MYRFL: variants seen among roughly 807,000 people sequenced by gnomAD.
The protein encoded by MYRFL is myelin regulatory factor-like protein.
Under a neutral mutation model 109.4 loss-of-function variants are expected in MYRFL, and 88 were observed. The ratio of observed to expected loss-of-function variants is 0.80; its 90% CI spans 0.68 to 0.96. The LOEUF (loss-of-function observed/expected upper bound fraction) is 0.96. MYRFL is among the 40% of genes least tolerant of loss of function. MYRFL has a pLI of 0.00. For synonymous variants in MYRFL, 324 were observed against 320.9 expected (o/e 1.01, Z -0.10); for missense variants, 957 against 954.9 (o/e 1.00, Z -0.03).
At chr12:69,913,183 C>T (rs1225530226) in intron 13 of MYRFL, among the ~76,000 whole-genome samples, 3 of 152,086 alleles carry the variant, frequency 2.0e-5, no homozygotes, top group Non-Finnish European at 4.4e-5. Context: ...TTCAGGAATT[C>T]TCTATATATT....
At chr12:69,867,222 T>C (rs1432838523) in intron 2 of MYRFL, among the ~76,000 whole-genome samples, 5 of 152,136 alleles carry the variant, frequency 3.3e-5, no homozygotes, top group Admixed American at 3.3e-4. Context: ...GCTACGGTGG[T>C]GGGACATACT....
intron 1 of MYRFL, among the ~76,000 whole-genome samples, chr12:69,854,190 C>T (rs1272727134): frequency 3.9e-5 from 6 of 152,128 alleles, no homozygotes. Context: ...CCAAAAAATA[C>T]AAAAACCAGT....
At chr12:69,898,858 T>A (rs1411588869) in intron 10 of MYRFL, among the ~76,000 whole-genome samples, 2 of 151,962 alleles carry the variant, frequency 1.3e-5, no homozygotes, top group African/African-American at 4.8e-5. Flanking sequence ...AACAGCAACA[T>A]GAGAGGGAGG....
intron 11 of MYRFL, among the ~76,000 whole-genome samples, chr12:69,906,663 A>G (rs1416266456): frequency 6.6e-6 from 1 of 152,218 alleles, no homozygotes; most frequent in Non-Finnish European, 1.5e-5. Flanking sequence ...TAGACATGAA[A>G]AAAGCTCAAG....
chr12:69,929,457 A>C (rs1222780244), intron 15 of MYRFL, among the ~76,000 whole-genome samples: 1 of 152,206 alleles, frequency 6.6e-6, no homozygotes, highest in Non-Finnish European at 1.5e-5. Context: ...AGGAGGAGTA[A>C]GCTTTGGCTA....
intron 11 of MYRFL, among the ~76,000 whole-genome samples, chr12:69,907,456 C>T (rs1192101683): frequency 1.3e-5 from 2 of 152,122 alleles, no homozygotes; most frequent in African/African-American, 4.8e-5. Flanking sequence ...CCAACACTGC[C>T]TCTGCTTCCT....
At chr12:69,861,633 A>G (rs1884675182) in intron 2 of MYRFL, among the ~76,000 whole-genome samples, 1 of 152,098 alleles carries the variant, frequency 6.6e-6, no homozygotes, top group Admixed American at 6.6e-5. Context: ...AGTTCATTGT[A>G]GATTCTGGAT....
chr12:69,927,255 T>C (rs985428685), intron 14 of MYRFL, among the ~76,000 whole-genome samples: 3 of 152,104 alleles, frequency 2.0e-5, no homozygotes, highest in African/African-American at 7.2e-5. Context: ...CTGTTGCTGT[T>C]TTAAAAGTGG....
chr12:69,834,189 A>G (rs1452161747), intron 1 of MYRFL, among the ~76,000 whole-genome samples: 2 of 152,218 alleles, frequency 1.3e-5, no homozygotes, highest in Non-Finnish European at 2.9e-5. Context: ...ACTCAGGACA[A>G]AAAGTCCAGC....
intron 19 of MYRFL, among the ~76,000 whole-genome samples, chr12:69,941,855 C>G (rs1386869260): frequency 6.6e-6 from 1 of 151,180 alleles, no homozygotes; most frequent in East Asian, 1.9e-4. Flanking sequence ...AAGGGGATAT[C>G]ACCACCGATC....
chr12:69,853,613 C>T (rs1357273770), intron 1 of MYRFL, among the ~76,000 whole-genome samples: 3 of 144,896 alleles, frequency 2.1e-5, no homozygotes, highest in East Asian at 2.2e-4. Flanking sequence ...TGGGAAGAGG[C>T]GCTCCTCACT....
chr12:69,958,541 G>A lies in MYRFL; in HGVS notation c.*10G>A. On this transcript the variant is annotated 3_prime_UTR_variant, in exon 25 of 25. Coordinates refer to ENST00000552032, the MANE Select transcript of MYRFL (RefSeq NM_182530.3). ...TCGACGCTGTGCCTAATTTGTTCAA[G>A]TTTGGGGACTTTACCAAAGAAAAAT... is the stretch of plus-strand genomic sequence containing the variant. 1 of 1,519,466 alleles carries A rather than the reference G, an allele frequency of 6.6e-7. No individual in the cohort carries two copies. The highest frequency in any genetic ancestry group is 8.8e-7 in the Non-Finnish European group (1 of 1,139,120). The allele number at this position is 1,519,466 out of a possible 1,614,324, so 94.1% of individuals were successfully genotyped here. A position where few individuals can be genotyped will look rare whatever the true frequency, so the allele number is the denominator to read the frequency against.
chr12:69,870,743 G>T (rs1047986789), intron 2 of MYRFL, among the ~76,000 whole-genome samples: 2 of 152,126 alleles, frequency 1.3e-5, no homozygotes, highest in Non-Finnish European at 2.9e-5. Flanking sequence ...ATGAAATAAA[G>T]GAGTAGCTGT....
intron 2 of MYRFL, among the ~76,000 whole-genome samples, chr12:69,873,531 G>A (rs188009640): frequency 2.6e-5 from 4 of 152,256 alleles, no homozygotes; most frequent in Admixed American, 1.3e-4. Context: ...GTAAAATAAA[G>A]GTTACTTGAA....
chr12:69,872,367 A>G (rs1252773994), intron 2 of MYRFL, among the ~76,000 whole-genome samples: 1 of 152,220 alleles, frequency 6.6e-6, no homozygotes, highest in Non-Finnish European at 1.5e-5. Flanking sequence ...TTTGTCACCT[A>G]GGCTGAAGTG....
At chr12:69,829,849 G>A (rs1253636367) in intron 1 of MYRFL, among the ~76,000 whole-genome samples, 1 of 152,160 alleles carries the variant, frequency 6.6e-6, no homozygotes, top group East Asian at 1.9e-4. Context: ...TGACAGAAGA[G>A]TCAGAAGCTC....
intron 19 of MYRFL, among the ~76,000 whole-genome samples, chr12:69,949,035 C>A (rs1171410908): frequency 6.6e-6 from 1 of 152,168 alleles, no homozygotes; most frequent in African/African-American, 2.4e-5. Context: ...GTGAGCCCAG[C>A]ATTACCCTAT....
chr12:69,837,920 A>T lies in MYRFL; in HGVS notation c.46+12357A>T, dbSNP rs573665925. 2.6e-5 allele frequency among the ~76,000 whole-genome samples: 4 copies of T among 152,304 alleles called. No individual in the cohort carries two copies. In the East Asian group the frequency reaches 7.7e-4, roughly 29 times the overall value. On this transcript the variant is annotated intron_variant, in intron 1 of 24. Transcript: ENST00000552032. ...GGAACTATGCCTTCTTCATTCTTGT[A>T]GCCTCTGCACCTAGGGACTGGTACA...
chr12:69,881,936 G>C (rs2136333932), intron 5 of MYRFL, among the ~76,000 whole-genome samples: 1 of 152,136 alleles, frequency 6.6e-6, no homozygotes, highest in South Asian at 2.1e-4. Flanking sequence ...AGCCAGACGG[G>C]GGAACCATCT....
Sources: gnomAD v4.1 joint callset for allele counts (sites outside exome capture counted in the v4.1 genomes callset) on GRCh38, gnomAD v4.1.1 for gene constraint, MANE v1.5 for transcripts, NCBI Gene and HGNC (gene_info 2026-07-23, HGNC 2026-07-21) for gene names.